VPS8: variants seen among roughly 807,000 people sequenced by gnomAD.
VPS8 encodes the protein VPS8 subunit of CORVET complex, also known as vacuolar protein sorting-associated protein 8 homolog.
VPS8 carries 129 observed loss-of-function variants against 216.4 expected under a neutral mutation model. That is an observed-to-expected ratio of 0.60 (90% confidence interval 0.52 to 0.69). The LOEUF is 0.69. Among genes scored for constraint, VPS8 ranks in the 30% least tolerant of loss-of-function variants. VPS8 has a pLI of 0.00. For synonymous variants in VPS8, 571 were observed against 565.4 expected, an observed-to-expected ratio of 1.01 and a Z score of -0.14; for missense variants, 1,531 against 1,683.5, an observed-to-expected ratio of 0.91 and a Z score of 1.59.
chr3:184,892,317 A>T (rs1276341618), intron 22 of VPS8, among the ~76,000 whole-genome samples: 1 of 152,130 alleles, frequency 6.6e-6, no homozygotes, highest in Non-Finnish European at 1.5e-5. Flanking sequence ...CCTGGGTTCA[A>T]GCAATTCTCC....
intron 40 of VPS8, among the ~76,000 whole-genome samples, chr3:184,977,391 C>CA (rs1327671668): frequency 2.0e-5 from 3 of 152,082 alleles, no homozygotes; most frequent in African/African-American, 7.2e-5. Context: ...AATATTTTCT[C>CA]TCATTCTCTA....
chr3:184,878,276 A>C (rs1729636548), intron 21 of VPS8, among the ~76,000 whole-genome samples: 1 of 151,884 alleles, frequency 6.6e-6, no homozygotes. Flanking sequence ...ACACCCAGCT[A>C]ATTTTTGTAC....
intron 7 of VPS8, among the ~76,000 whole-genome samples, chr3:184,841,388 A>G (rs1270406628): frequency 6.6e-6 from 1 of 152,194 alleles, no homozygotes; most frequent in Admixed American, 6.5e-5. Context: ...ATGCAGTTAT[A>G]TATTTTGTCT....
intron 3 of VPS8, among the ~76,000 whole-genome samples, chr3:184,831,723 G>A (rs1720029107): frequency 6.6e-6 from 1 of 152,102 alleles, no homozygotes; most frequent in Non-Finnish European, 1.5e-5. Context: ...CATTTCAATG[G>A]TAACCAGAGA....
chr3:185,002,940 C>T (rs1269949582), intron 45 of VPS8, among the ~76,000 whole-genome samples: 3 of 151,956 alleles, frequency 2.0e-5, no homozygotes, highest in Non-Finnish European at 4.4e-5. Flanking sequence ...CATATAATGA[C>T]TTATTTTCCT....
At chr3:185,012,942 G>C (rs1020435005) in intron 45 of VPS8, among the ~76,000 whole-genome samples, 2 of 152,174 alleles carry the variant, frequency 1.3e-5, no homozygotes, top group East Asian at 3.9e-4. Flanking sequence ...TGTTTCTATA[G>C]ATTATAGATT....
At chr3:184,878,628 G>A (rs1729711920) in intron 21 of VPS8, among the ~76,000 whole-genome samples, 1 of 152,178 alleles carries the variant, frequency 6.6e-6, no homozygotes, top group Admixed American at 6.5e-5. Context: ...TACCTCCTCT[G>A]AGAAGATTTG....
At position 184,982,575 on chromosome 3, in the gene VPS8, T is replaced by A; in HGVS notation, c.3430T>A (p.Phe1144Ile). The A allele has an allele frequency of 6.2e-7, 1 of 1,612,816 alleles. No homozygotes were observed. The highest frequency in any genetic ancestry group is 8.5e-7 in the Non-Finnish European group (1 of 1,179,498). Residue 1144 changes from phenylalanine to isoleucine, a missense_variant, in exon 41 of 48, where the codon TTT (phenylalanine) becomes ATT (isoleucine). Transcript: ENST00000625842. Reference sequence around the variant, plus strand: ...TTCTCTGACATTATAGGCACTTTGGTTTCCGTTATTGGAGGCAATGATGGC... The same window carrying A: ...TTCTCTGACATTATAGGCACTTTGGATTCCGTTATTGGAGGCAATGATGGC... ...LNQQQREALW[F>I]PLLEAMMAPQ... is the part of the protein sequence containing the mutation.
chr3:185,017,751 C>T (rs975207394), intron 45 of VPS8, among the ~76,000 whole-genome samples: 3 of 152,164 alleles, frequency 2.0e-5, no homozygotes, highest in Non-Finnish European at 4.4e-5. Context: ...GTGGCACTAC[C>T]GGCTGTGGCG....
intron 13 of VPS8, among the ~76,000 whole-genome samples, chr3:184,855,363 C>T (rs1489038482): frequency 6.6e-6 from 1 of 152,062 alleles, no homozygotes; most frequent in Non-Finnish European, 1.5e-5. Flanking sequence ...ATTCTTTCCC[C>T]TAAATATTTA....
chr3:184,830,717 CTTGT>C (rs1229398023), intron 3 of VPS8, among the ~76,000 whole-genome samples: 1 of 152,158 alleles, frequency 6.6e-6, no homozygotes, highest in Non-Finnish European at 1.5e-5. Context: ...GATTGACTCT[CTTGT>C]TTAAGATCTT....
chr3:184,948,656 A>G (rs1385614058), intron 36 of VPS8, among the ~76,000 whole-genome samples: 1 of 152,154 alleles, frequency 6.6e-6, no homozygotes, highest in Non-Finnish European at 1.5e-5. Context: ...AGTCCCCAGA[A>G]TATTCTGAGG....
At chr3:184,976,863 G>A (rs530977083) in intron 40 of VPS8, among the ~76,000 whole-genome samples, 1 of 152,148 alleles carries the variant, frequency 6.6e-6, no homozygotes, top group South Asian at 2.1e-4. Flanking sequence ...CCAGTCCACT[G>A]TTGATGGGCA....
chr3:184,941,512 A>G (rs761127058), intron 36 of VPS8, among the ~76,000 whole-genome samples: 5 of 150,836 alleles, frequency 3.3e-5, no homozygotes, highest in Non-Finnish European at 7.4e-5. Flanking sequence ...TAACTGATGG[A>G]AAGATTTTAG....
Position 184,868,240 on chromosome 3 carries a change from G to A in VPS8, c.1506+181G>A, listed in dbSNP as rs1426117423. On this transcript the variant is annotated intron_variant, in intron 18 of 47. Coordinates refer to ENST00000625842, the MANE Select transcript of VPS8 (RefSeq NM_001009921.3). ...AACTGACAGTATAAGTTAGAATTAG[G>A]TTTGTCTACATATATTAGAAAATTC... 3 of 608,464 alleles carry A rather than the reference G, an allele frequency of 4.9e-6. No homozygotes were observed. The Admixed American group carries it at 9.3e-5, about 19-fold the overall frequency. The allele number at this position is 608,464 out of a possible 1,614,324, so 37.7% of individuals were successfully genotyped here.
intron 23 of VPS8, among the ~76,000 whole-genome samples, chr3:184,896,428 T>C (rs904610974): frequency 6.6e-6 from 1 of 152,178 alleles, no homozygotes; most frequent in African/African-American, 2.4e-5. Flanking sequence ...ATATCAAGAC[T>C]TCTCCCCTTT....
chr3:184,954,846 A>G (rs1229902021), intron 36 of VPS8, among the ~76,000 whole-genome samples: 1 of 152,226 alleles, frequency 6.6e-6, no homozygotes, highest in Non-Finnish European at 1.5e-5. Context: ...AGATATAGAG[A>G]TGATCATGGA....
chr3:185,033,402 T>C (rs1758449166), intron 46 of VPS8, among the ~76,000 whole-genome samples: 1 of 152,238 alleles, frequency 6.6e-6, no homozygotes, highest in East Asian at 1.9e-4. Context: ...TAACTTGGCG[T>C]CTTTCACTTA....
At chr3:184,950,243 T>TTTC (rs1166683070) in intron 36 of VPS8, among the ~76,000 whole-genome samples, 11 of 143,444 alleles carry the variant, frequency 7.7e-5, no homozygotes, top group Admixed American at 1.4e-4. Context: ...TTTTTTTTTT[T>TTTC]TACTCTAGCT....
Sources: allele counts gnomAD v4.1 joint callset (sites outside exome capture counted in the v4.1 genomes callset), GRCh38; gene constraint gnomAD v4.1.1; transcripts MANE v1.5; gene names NCBI Gene and HGNC (gene_info 2026-07-23, HGNC 2026-07-21).